BTBD17: variants seen among roughly 807,000 people sequenced by gnomAD.
The protein encoded by BTBD17 is BTB domain containing 17.
In BTBD17, 26 loss-of-function variants were observed where a neutral mutation model predicts 36.9. The ratio of observed to expected loss-of-function variants is 0.70; its 90% CI spans 0.52 to 0.98. The LOEUF (loss-of-function observed/expected upper bound fraction) is 0.98, where lower values mean the gene tolerates loss of function less well. BTBD17 is among the 50% of genes least tolerant of loss of function. The probability of loss-of-function intolerance (pLI) is 0.00; values close to 1 mark genes in which losing one functional copy is unlikely to be tolerated. For missense variants in BTBD17, 630 were observed against 691.3 expected, an observed-to-expected ratio of 0.91 and a Z score of 0.99; for synonymous variants, 341 against 338.0, an observed-to-expected ratio of 1.01 and a Z score of -0.10.
chr17:74,357,879 C>A lies in BTBD17; in HGVS notation c.363-148G>T, dbSNP rs1567931241. The A allele has an allele frequency of 3.3e-6, 2 of 601,182 alleles. No individual in the cohort carries two copies. The highest frequency in any genetic ancestry group is 5.6e-6 in the Non-Finnish European group (2 of 354,492). The allele number at this position is 601,182 out of a possible 1,614,324, so 37.2% of individuals were successfully genotyped here. A position where few individuals can be genotyped will look rare whatever the true frequency, so the allele number is the denominator to read the frequency against. On this transcript the variant is annotated intron_variant, in intron 2 of 2. Coordinates refer to ENST00000375366, the MANE Select transcript of BTBD17 (RefSeq NM_001080466.2). This position sits in a 1 kb window ranked among gnomAD's most constrained non-coding sequence, Gnocchi z 8.4. ...GTGGAAGCCCCACCCTGAGGCTTCC[C>A]ATGTTTTCCTTTCAAGGACCCTTCC...
chr17:74,361,717 G>A lies in BTBD17; in HGVS notation c.85+18C>T, dbSNP rs1011963719. On this transcript the variant is annotated intron_variant, in intron 1 of 2. Coordinates refer to ENST00000375366, the MANE Select transcript of BTBD17 (RefSeq NM_001080466.2). Reference sequence around the variant, plus strand: ...TGCCGCTCCACCCTGCCCCGCACCTGGCCCACTGCCCGCTCACCTGCATGG... The same window carrying A: ...TGCCGCTCCACCCTGCCCCGCACCTAGCCCACTGCCCGCTCACCTGCATGG... 1.9e-6 allele frequency: 3 copies of A among 1,605,974 alleles called. No individual in the cohort carries two copies. The highest frequency in any genetic ancestry group is 2.6e-6 in the Non-Finnish European group (3 of 1,174,798).
chr17:74,357,365 C>A lies in BTBD17; in HGVS notation c.729G>T (p.Pro243=), dbSNP rs2054903285. 6.5e-7 allele frequency: 1 copy of A among 1,549,596 alleles called. No homozygotes were observed. ...ALEAWLGRAR[P]PPAVAERALR... ...GCGCCCGCTCGGCCACGGCAGGGGG[C>A]GGCCGCGCGCGACCCAGCCAGGCCT... Residue 243 remains proline, a synonymous_variant, in exon 3 of 3, where the codon CCG becomes CCT. Transcript: ENST00000375366. The surrounding 1 kb of genome is among the most constrained non-coding windows in gnomAD (Gnocchi z 8.4).
intron 1 of BTBD17, among the ~76,000 whole-genome samples, 158 bp from the exon 2 acceptor site, chr17:74,360,403 G>A (rs16978010): frequency 0.055 from 8,306 of 152,298 alleles, 753 homozygotes; most frequent in African/African-American, 0.19. Flanking sequence ...TTGTGCCCAC[G>A]AGGCGCGTGG....
In BTBD17 at chr17:74,361,173, GC is replaced by G. The variant is rs199826349; in HGVS notation, c.85+561del. 5.4e-4 allele frequency among the ~76,000 whole-genome samples: 82 copies of G among 152,352 alleles called. No individual in the cohort carries two copies. The East Asian group carries it at 0.013, about 25-fold the overall frequency. On this transcript the variant is annotated intron_variant, in intron 1 of 2. Transcript: ENST00000375366. ...CGGCCCTTTGCTTATGCTCCAGGAT[GC>G]CCCGACAGTCAGATGGGGATATGCA...
Position 74,357,587 on chromosome 17 carries a change from C to T in BTBD17, c.507G>A (p.Ala169=). The change falls in exon 3 of 3, where the codon GCG becomes GCA. Residue 169 remains alanine, a synonymous_variant. Coordinates refer to ENST00000375366, the MANE Select transcript of BTBD17 (RefSeq NM_001080466.2). This position sits in a 1 kb window ranked among gnomAD's most constrained non-coding sequence, Gnocchi z 8.4. ...RAHLAGGAGP[A]VGWYHYAVGT... ...CCACCGCGTAGTGGTACCAGCCCAC[C>T]GCCGGGCCCGCGCCTCCCGCCAGGT... is the stretch of plus-strand genomic sequence containing the variant. 2 of 1,548,642 alleles carry T rather than the reference C, an allele frequency of 1.3e-6. No homozygotes were observed. Among genetic ancestry groups the T allele is most frequent in the Non-Finnish European group, 1.7e-6 (2 of 1,153,156 alleles).
At chr17:74,362,956 G>GCA (rs1491570774), upstream of BTBD17, among the ~76,000 whole-genome samples, 6 of 65,800 alleles carry the variant, frequency 9.1e-5, no homozygotes, top group African/African-American at 3.5e-4. Flanking sequence ...CTCAGCAAAA[G>GCA]CGCGCGCGCA....
chr17:74,357,033 A>C lies in BTBD17; in HGVS notation c.1061T>G (p.Val354Gly), dbSNP rs758026377. ...CGGCGAGAAGAGCACGTTCCAGGTG[A>C]CCCGGCGGCCCGCGTCGTGGCCACT... ...GPSGHDAGRRVTWNVLFSPRW... is the reference protein window; with the variant it reads ...GPSGHDAGRRGTWNVLFSPRW... Residue 354 changes from valine (V) to glycine (G), a missense_variant, in exon 3 of 3, where the codon GTC (valine) becomes GGC (glycine). Transcript: ENST00000375366. This position sits in a 1 kb window ranked among gnomAD's most constrained non-coding sequence, Gnocchi z 8.4. The C allele has an allele frequency of 6.5e-7, 1 of 1,526,952 alleles. No individual in the cohort carries two copies. The highest frequency in any genetic ancestry group is 8.7e-7 in the Non-Finnish European group (1 of 1,149,558). The allele number at this position is 1,526,952 out of a possible 1,614,324, so 94.6% of individuals were successfully genotyped here.
In BTBD17 at chr17:74,357,267, G is replaced by C; in HGVS notation, c.827C>G (p.Ala276Gly). 6.4e-7 allele frequency: 1 copy of C among 1,558,264 alleles called. No homozygotes were observed. Among genetic ancestry groups the C allele is most frequent in the South Asian group, 1.2e-5 (1 of 85,130 alleles). ...GTCGGCCACCGCGGGGCCGTGGCGC[G>C]CCAGGGCTGCCGAGCGCGCCTGCAG... Reference protein sequence around the residue: ...FQLQARSAALARHGPAVADLL... With the variant: ...FQLQARSAALGRHGPAVADLL... Residue 276 changes from alanine to glycine, a missense_variant, in exon 3 of 3, where the codon GCG (alanine) becomes GGG (glycine). Transcript: ENST00000375366. This position sits in a 1 kb window ranked among gnomAD's most constrained non-coding sequence, Gnocchi z 8.4.
chr17:74,359,684 C>T lies in BTBD17; in HGVS notation c.362+285G>A, dbSNP rs149641009. Among the ~76,000 whole-genome samples the T allele has an allele frequency of 7.6e-3, 1,151 of 152,260 alleles. 20 individuals are homozygous for T. The highest frequency in any genetic ancestry group is 0.026 in the African/African-American group (1,093 of 41,556). On this transcript the variant is annotated intron_variant, in intron 2 of 2. Coordinates refer to ENST00000375366, the MANE Select transcript of BTBD17 (RefSeq NM_001080466.2). ...GATTACAGGCATGAGCCACCGTGCC[C>T]GGCCCCAAAACTGTAGTTTTTAAAA...
chr17:74,356,597 T>C lies in BTBD17; in HGVS notation c.*60A>G. ...GCTTGTTGCCACCTCCAGGCTCGCC[T>C]TGCCCTTCCCAGACCCACAGGGACC... On this transcript the variant is annotated 3_prime_UTR_variant, in exon 3 of 3. Coordinates refer to ENST00000375366, the MANE Select transcript of BTBD17 (RefSeq NM_001080466.2). This position sits in a 1 kb window ranked among gnomAD's most constrained non-coding sequence, Gnocchi z 4.3. 2.2e-6 allele frequency: 3 copies of C among 1,384,386 alleles called. No individual in the cohort carries two copies. Among genetic ancestry groups the C allele is most frequent in the Non-Finnish European group, 2.8e-6 (3 of 1,065,590 alleles). 85.8% of individuals were successfully genotyped at this position (1,384,386 alleles called of 1,614,324 possible).
Position 74,357,008 on chromosome 17 carries a change from C to G in BTBD17, c.1086G>C (p.Pro362=). ...RRVTWNVLFS[P]RWLPVSLRPV... ...GCCGCAGGCTGACGGGCAGCCAGCG[C>G]GGCGAGAAGAGCACGTTCCAGGTGA... Residue 362 remains proline, a synonymous_variant, in exon 3 of 3, where the codon CCG becomes CCC. Coordinates refer to ENST00000375366, the MANE Select transcript of BTBD17 (RefSeq NM_001080466.2). This position sits in a 1 kb window ranked among gnomAD's most constrained non-coding sequence, Gnocchi z 8.4. 1 of 1,500,856 alleles carries G rather than the reference C, an allele frequency of 6.7e-7. No individual in the cohort carries two copies. The highest frequency in any genetic ancestry group is 2.8e-5 in the East Asian group (1 of 36,066). 93.0% of individuals were successfully genotyped at this position (1,500,856 alleles called of 1,614,324 possible). A position where few individuals can be genotyped will look rare whatever the true frequency, so the allele number is the denominator to read the frequency against.
At position 74,356,732 on chromosome 17, in the gene BTBD17, G is replaced by T; in HGVS notation, c.1362C>A (p.Tyr454Ter). ...GCAGGTGCAGGGCGTTCTCAACCAG[G>T]TACTCGGAGTTGCGCCGCTGCAGGT... The part of the protein sequence containing the change: ...HADLQRRNSE[Y>*]LVENALHLHL... Residue 454 changes from tyrosine (Y) to a stop codon, truncating the protein, a stop_gained, in exon 3 of 3, where the codon TAC becomes TAA. Transcript: ENST00000375366. LOFTEE classifies it high-confidence loss of function. The surrounding 1 kb of genome is among the most constrained non-coding windows in gnomAD (Gnocchi z 4.3). 6.2e-7 allele frequency: 1 copy of T among 1,600,492 alleles called. No individual in the cohort carries two copies. Among genetic ancestry groups the T allele is most frequent in the Non-Finnish European group, 8.5e-7 (1 of 1,174,308 alleles).
Position 74,356,581 on chromosome 17 carries a change from C to T in BTBD17, c.*76G>A. On this transcript the variant is annotated 3_prime_UTR_variant, in exon 3 of 3. Transcript: ENST00000375366. The surrounding 1 kb of genome is among the most constrained non-coding windows in gnomAD (Gnocchi z 4.3). ...CCATCCAGGGGACCAGGCTTGTTGCCACCTCCAGGCTCGCCTTGCCCTTCC... is the reference window on the plus strand; with the variant it reads ...CCATCCAGGGGACCAGGCTTGTTGCTACCTCCAGGCTCGCCTTGCCCTTCC... The T allele has an allele frequency of 1.5e-6, 2 of 1,368,412 alleles. No individual in the cohort carries two copies. Among genetic ancestry groups the T allele is most frequent in the Non-Finnish European group, 1.9e-6 (2 of 1,057,650 alleles). 84.8% of individuals were successfully genotyped at this position (1,368,412 alleles called of 1,614,324 possible). A position where few individuals can be genotyped will look rare whatever the true frequency, so the allele number is the denominator to read the frequency against.
In BTBD17 at chr17:74,356,603, T is replaced by A; in HGVS notation, c.*54A>T. 1 of 1,390,892 alleles carries A rather than the reference T, an allele frequency of 7.2e-7. No individual in the cohort carries two copies. The allele number at this position is 1,390,892 out of a possible 1,614,324, so 86.2% of individuals were successfully genotyped here. A position where few individuals can be genotyped will look rare whatever the true frequency, so the allele number is the denominator to read the frequency against. Reference sequence around the variant, plus strand: ...TGCCACCTCCAGGCTCGCCTTGCCCTTCCCAGACCCACAGGGACCACCTAG... The same window carrying A: ...TGCCACCTCCAGGCTCGCCTTGCCCATCCCAGACCCACAGGGACCACCTAG... On this transcript the variant is annotated 3_prime_UTR_variant, in exon 3 of 3. Transcript: ENST00000375366. This position sits in a 1 kb window ranked among gnomAD's most constrained non-coding sequence, Gnocchi z 4.3.
chr17:74,356,620 A>C lies in BTBD17; in HGVS notation c.*37T>G. On this transcript the variant is annotated 3_prime_UTR_variant, in exon 3 of 3. Transcript: ENST00000375366. The surrounding 1 kb of genome is among the most constrained non-coding windows in gnomAD (Gnocchi z 4.3). The stretch of plus-strand genomic sequence containing the variant: ...CCTTGCCCTTCCCAGACCCACAGGG[A>C]CCACCTAGGCCAGGCCTTTATTCCC... 1.4e-6 allele frequency: 2 copies of C among 1,424,972 alleles called. No homozygotes were observed. Among genetic ancestry groups the C allele is most frequent in the Non-Finnish European group, 1.8e-6 (2 of 1,083,390 alleles). 88.3% of individuals were successfully genotyped at this position (1,424,972 alleles called of 1,614,324 possible).
rs1567929996 is a variant in BTBD17, at chr17:74,356,932, C to T, written c.1162G>A (p.Asp388Asn). ...GTCACCACCAGCCGCGGTCGGCCGT[C>T]CTCCGGGCGCGCGGCGGGCAGAGCA... ...GTALPAARPE[D>N]GRPRLVVTPA... Residue 388 changes from aspartate (D) to asparagine (N), a missense_variant, in exon 3 of 3, where the codon GAC becomes AAC. Physicochemically the swap from Asp to Asn is conservative, Grantham distance 23. Transcript: ENST00000375366. This position sits in a 1 kb window ranked among gnomAD's most constrained non-coding sequence, Gnocchi z 4.3. 7.2e-7 allele frequency: 1 copy of T among 1,398,254 alleles called. No individual in the cohort carries two copies. The highest frequency in any genetic ancestry group is 3.0e-5 in the East Asian group (1 of 33,004). 86.6% of individuals were successfully genotyped at this position (1,398,254 alleles called of 1,614,324 possible). A position where few individuals can be genotyped will look rare whatever the true frequency, so the allele number is the denominator to read the frequency against.
Position 74,357,654 on chromosome 17 carries a change from A to G in BTBD17, c.440T>C (p.Val147Ala), listed in dbSNP as rs1216974747. Residue 147 changes from valine (V) to alanine (A), a missense_variant, in exon 3 of 3, where the codon GTG (valine) becomes GCG (alanine). Transcript: ENST00000375366. This position sits in a 1 kb window ranked among gnomAD's most constrained non-coding sequence, Gnocchi z 8.4. ...GGCCACGCCGCGCTGCAGGGAGGAC[A>G]CGCCGTACTTGGTGGCCAGTCTGTG... ...PLHRLATKYGVSSLQRGVADY... is the reference protein window; with the variant it reads ...PLHRLATKYGASSLQRGVADY... 9 of 1,550,452 alleles carry G rather than the reference A, an allele frequency of 5.8e-6. No homozygotes were observed. The highest frequency in any genetic ancestry group is 1.7e-4 in the Middle Eastern group (1 of 5,760).
In BTBD17 at chr17:74,357,209, C is replaced by G. The variant is rs368697014; in HGVS notation, c.885G>C (p.Ala295=). The change falls in exon 3 of 3, where the codon GCG becomes GCC. Residue 295 remains alanine (A), a synonymous_variant. Coordinates refer to ENST00000375366, the MANE Select transcript of BTBD17 (RefSeq NM_001080466.2). This position sits in a 1 kb window ranked among gnomAD's most constrained non-coding sequence, Gnocchi z 8.4. ...AGAACTTGGCGTAGTGCAGCGGCGA[C>G]GCGGCGTGGAACTGGTAGGCCTGCA... ...LLLQAYQFHA[A]SPLHYAKFFD... 6.4e-7 allele frequency: 1 copy of G among 1,573,002 alleles called. No homozygotes were observed. Among genetic ancestry groups the G allele is most frequent in the Non-Finnish European group, 8.6e-7 (1 of 1,164,148 alleles).
In BTBD17 at chr17:74,360,235, G is replaced by A. The variant is rs537487405; in HGVS notation, c.96C>T (p.Ala32=). 7.5e-5 allele frequency: 120 copies of A among 1,605,038 alleles called. No individual in the cohort carries two copies. Among genetic ancestry groups the A allele is most frequent in the Admixed American group, 4.4e-4 (26 of 59,620 alleles). ...TGCCAGCTGCCTCCCCGCCAACATC[G>A]GCTCTCTGTGCTGCAGCAGGAAGGA... is the stretch of plus-strand genomic sequence containing the variant. ...VGLVTHAAQR[A]DVGGEAAGTS... The change falls in exon 2 of 3, where the codon GCC becomes GCT. Residue 32 remains alanine (A), a synonymous_variant. Coordinates refer to ENST00000375366, the MANE Select transcript of BTBD17 (RefSeq NM_001080466.2).
Sources: gnomAD v4.1 joint callset for allele counts (sites outside exome capture counted in the v4.1 genomes callset) on GRCh38, gnomAD v4.1.1 for gene constraint, Gnocchi (gnomAD v3.1) non-coding constraint, MANE v1.5 for transcripts, NCBI Gene and HGNC (gene_info 2026-07-23, HGNC 2026-07-21) for gene names.